Variants in VAMP7 observed in about 807,000 individuals in gnomAD.
VAMP7 encodes vesicle associated membrane protein 7.
Under a neutral mutation model 29.6 loss-of-function variants are expected in VAMP7, and 14 were observed. The observed-to-expected ratio is 0.47, with a 90% confidence interval of 0.31 to 0.74. The LOEUF (loss-of-function observed/expected upper bound fraction) is 0.74. Ranked by LOEUF, VAMP7 falls within the 30% of genes least tolerant of loss-of-function variation. The probability of loss-of-function intolerance (pLI) is 0.05; values close to 1 mark genes in which losing one functional copy is unlikely to be tolerated. For synonymous variants in VAMP7, 95 were observed against 88.1 expected (o/e 1.08, Z -0.44); for missense variants, 223 against 262.4 (o/e 0.85, Z 1.04).
At chrX:155,925,351 A>G (rs2066453100) in intron 6 of VAMP7, among the ~76,000 whole-genome samples, 1 of 152,220 alleles carries the variant, frequency 6.6e-6, no homozygotes, top group Non-Finnish European at 1.5e-5. Flanking sequence ...CTTAAATAAT[A>G]AGACTTGAAA....
intron 6 of VAMP7, among the ~76,000 whole-genome samples, chrX:155,939,413 T>C (rs1268309274): frequency 6.6e-6 from 1 of 152,178 alleles, no homozygotes; most frequent in African/African-American, 2.4e-5. Context: ...AGAGGAAAAT[T>C]CTTTTCCACT....
chrX:155,882,314 G>A (rs2065812107), intron 1 of VAMP7, among the ~76,000 whole-genome samples: 3 of 152,166 alleles, frequency 2.0e-5, no homozygotes, highest in African/African-American at 7.2e-5. Context: ...GAACTTACAT[G>A]TTTGTGTCTA....
chrX:155,901,462 G>A (rs375558571), intron 5 of VAMP7, among the ~76,000 whole-genome samples: 2 of 151,874 alleles, frequency 1.3e-5, no homozygotes, highest in African/African-American at 4.8e-5. Context: ...AAAAATCAAC[G>A]TTTTTAATCG....
At chrX:155,923,031 T>C (rs1354217131) in intron 6 of VAMP7, among the ~76,000 whole-genome samples, 2 of 152,026 alleles carry the variant, frequency 1.3e-5, no homozygotes, top group Non-Finnish European at 2.9e-5. Flanking sequence ...ATAATCTCCC[T>C]TAAAGTGGCA....
intron 3 of VAMP7, 25 bp from the exon 4 acceptor site, chrX:155,898,087 G>T (rs765746153): frequency 6.2e-7 from 1 of 1,603,186 alleles, no homozygotes; most frequent in South Asian, 1.1e-5. Flanking sequence ...TTCTAAATGT[G>T]AGTTCTGTGT....
At chrX:155,895,739 C>T (rs1234759310) in intron 3 of VAMP7, 59 bp downstream of exon 3, 1 of 1,495,320 alleles carries the variant, frequency 6.7e-7, no homozygotes, top group Non-Finnish European at 9.3e-7. Flanking sequence ...ACAGCCAGTT[C>T]TTAATTATCT....
At chrX:155,881,974 T>G (rs762746442) in intron 1 of VAMP7, among the ~76,000 whole-genome samples, 25 of 152,308 alleles carry the variant, frequency 1.6e-4, no homozygotes, top group Admixed American at 3.3e-4. Flanking sequence ...CTGTTTGGTG[T>G]TTTTATTAAT....
intron 1 of VAMP7, among the ~76,000 whole-genome samples, chrX:155,888,777 A>G (rs2065894664): frequency 6.6e-6 from 1 of 152,200 alleles, no homozygotes; most frequent in Non-Finnish European, 1.5e-5. Flanking sequence ...TAAAAGGCTA[A>G]GATTATGAGC....
At chrX:155,911,372 C>G (rs2066235001) in intron 5 of VAMP7, among the ~76,000 whole-genome samples, 2 of 152,064 alleles carry the variant, frequency 1.3e-5, no homozygotes, top group African/African-American at 4.8e-5. Context: ...GTTTTGAAGT[C>G]AGGTAGTGTG....
intron 5 of VAMP7, among the ~76,000 whole-genome samples, chrX:155,906,731 C>T (rs60458439): frequency 2.5e-3 from 375 of 152,188 alleles, no homozygotes; most frequent in African/African-American, 8.6e-3. Flanking sequence ...AGGATTTTCT[C>T]TATATAGAAT....
chrX:155,910,897 A>C (rs1196168450), intron 5 of VAMP7, among the ~76,000 whole-genome samples: 2 of 151,638 alleles, frequency 1.3e-5, no homozygotes, highest in Non-Finnish European at 2.9e-5. Context: ...TTGTCTCTTC[A>C]CTCTTGATTA....
intron 6 of VAMP7, among the ~76,000 whole-genome samples, chrX:155,937,442 T>C (rs1287027670): frequency 6.6e-6 from 1 of 152,180 alleles, no homozygotes; most frequent in East Asian, 1.9e-4. Flanking sequence ...AAAGTAACTA[T>C]GTGAGGTGAT....
chrX:155,908,163 T>C (rs2066177517), intron 5 of VAMP7, among the ~76,000 whole-genome samples: 1 of 152,214 alleles, frequency 6.6e-6, no homozygotes, highest in Non-Finnish European at 1.5e-5. Context: ...GGGTGGCGGC[T>C]GGGCAGAGGC....
chrX:155,941,878 T>C lies in VAMP7; in HGVS notation c.595-5T>C. The C allele has an allele frequency of 6.2e-7, 1 of 1,613,584 alleles. No individual in the cohort carries two copies. Among genetic ancestry groups the C allele is most frequent in the African/African-American group, 1.3e-5 (1 of 75,026 alleles). The stretch of plus-strand genomic sequence containing the variant: ...AAAATAAAATTGCTCTCCTCGTCCC[T>C]CCAGGTGTTCATCTATATCATTGTT... On this transcript the variant is annotated splice_polypyrimidine_tract_variant and splice_region_variant and intron_variant, in intron 7 of 7. Coordinates refer to ENST00000286448, the MANE Select transcript of VAMP7 (RefSeq NM_005638.6).
intron 6 of VAMP7, among the ~76,000 whole-genome samples, chrX:155,927,137 G>A (rs1287842124): frequency 7.2e-5 from 11 of 151,864 alleles, no homozygotes; most frequent in Non-Finnish European, 1.0e-4. Context: ...TGGTGCTGCC[G>A]CATGTTCTCA....
intron 6 of VAMP7, among the ~76,000 whole-genome samples, chrX:155,933,727 CT>C (rs1490776100): frequency 6.6e-6 from 1 of 151,994 alleles, no homozygotes; most frequent in Non-Finnish European, 1.5e-5. Flanking sequence ...TGAGTTATTT[CT>C]TGCCTTCTGC....
intron 1 of VAMP7, among the ~76,000 whole-genome samples, chrX:155,885,524 C>T (rs56077133): frequency 0.19 from 28,404 of 152,076 alleles, 3,481 homozygotes; most frequent in Non-Finnish European, 0.27. Flanking sequence ...GTGTTGAAGT[C>T]CTAACCCGTG....
intron 6 of VAMP7, among the ~76,000 whole-genome samples, chrX:155,923,630 G>A (rs2066427031): frequency 6.6e-6 from 1 of 151,530 alleles, no homozygotes; most frequent in Non-Finnish European, 1.5e-5. Context: ...TTGGTTTTAA[G>A]AAATTTGATT....
chrX:155,933,057 T>C (rs1266129134), intron 6 of VAMP7, among the ~76,000 whole-genome samples: 1 of 152,192 alleles, frequency 6.6e-6, no homozygotes, highest in Non-Finnish European at 1.5e-5. Flanking sequence ...TGAAGCCCAC[T>C]TGATCATGGT....
Sources: gnomAD v4.1 joint callset for allele counts (sites outside exome capture counted in the v4.1 genomes callset) on GRCh38, gnomAD v4.1.1 for gene constraint, MANE v1.5 for transcripts, NCBI Gene and HGNC (gene_info 2026-07-23, HGNC 2026-07-21) for gene names.